DNAAF9: variants seen among roughly 807,000 people sequenced by gnomAD.
DNAAF9 encodes shulin.
Under a neutral mutation model 167.0 loss-of-function variants are expected in DNAAF9, and 90 were observed. The ratio of observed to expected loss-of-function variants is 0.54; its 90% CI spans 0.45 to 0.64. The LOEUF is 0.64. DNAAF9 is among the 30% of genes least tolerant of loss of function. The pLI, the probability that DNAAF9 is intolerant of heterozygous loss-of-function variation, is 0.00. For synonymous variants in DNAAF9, 491 were observed against 508.8 expected (o/e 0.96, Z 0.47); for missense variants, 1,315 against 1,442.2 (o/e 0.91, Z 1.43).
intron 1 of DNAAF9, among the ~76,000 whole-genome samples, chr20:3,390,714 G>A (rs960807838): frequency 2.0e-5 from 3 of 152,142 alleles, no homozygotes; most frequent in Admixed American, 2.0e-4. Context: ...AAATACGGGG[G>A]TGAGAGGAAA....
At chr20:3,254,556 AG>A (rs779853912) in intron 35 of DNAAF9, among the ~76,000 whole-genome samples, 3 of 152,122 alleles carry the variant, frequency 2.0e-5, no homozygotes, top group Non-Finnish European at 4.4e-5. Context: ...TGTCCTCCCC[AG>A]GAGCACCCAG....
chr20:3,338,309 G>C (rs569296448), intron 10 of DNAAF9, among the ~76,000 whole-genome samples: 2 of 152,122 alleles, frequency 1.3e-5, no homozygotes, highest in African/African-American at 4.8e-5. Flanking sequence ...TTTCTTGTTT[G>C]TATGGTTTCT....
chr20:3,390,631 CT>C (rs1179157318), intron 1 of DNAAF9, among the ~76,000 whole-genome samples: 1 of 152,124 alleles, frequency 6.6e-6, no homozygotes, highest in Non-Finnish European at 1.5e-5. Context: ...TCCCAAAGTG[CT>C]GGGATTACAA....
intron 29 of DNAAF9, among the ~76,000 whole-genome samples, chr20:3,273,514 G>A (rs1434549419): frequency 6.6e-6 from 1 of 152,104 alleles, no homozygotes; most frequent in East Asian, 1.9e-4. Flanking sequence ...GAAGGCCTGG[G>A]AGCCAGCATA....
chr20:3,258,101 A>G (rs2068313999), intron 33 of DNAAF9, among the ~76,000 whole-genome samples: 1 of 93,114 alleles, frequency 1.1e-5, no homozygotes, highest in African/African-American at 5.1e-5. Context: ...CCTGACCTCA[A>G]GTGATCCTCT....
chr20:3,348,486 A>G, intron 8 of DNAAF9, 39 bp downstream of exon 8: 1 of 1,009,830 alleles, frequency 9.9e-7, no homozygotes. Flanking sequence ...AAATAAATTA[A>G]CCATTTTATT....
chr20:3,316,646 C>G (rs748192602), intron 18 of DNAAF9, 77 bp downstream of exon 18: 1 of 1,046,874 alleles, frequency 9.6e-7, no homozygotes, highest in Non-Finnish European at 1.5e-6. Context: ...AGGGGCCCAA[C>G]AAAGAGGCTC....
chr20:3,308,159 A>AAT (rs1313660249), intron 20 of DNAAF9, among the ~76,000 whole-genome samples: 1 of 151,864 alleles, frequency 6.6e-6, no homozygotes, highest in East Asian at 1.9e-4. Context: ...ACCACACTTG[A>AAT]ATGTATTTGT....
At position 3,318,382 on chromosome 20, in the gene DNAAF9, C is replaced by A; in HGVS notation, c.1375G>T (p.Asp459Tyr). Residue 459 changes from aspartate (D) to tyrosine (Y), a missense_variant, in exon 17 of 37, where the codon GAC becomes TAC. Coordinates refer to ENST00000252032, the MANE Select transcript of DNAAF9 (RefSeq NM_001009984.3). ...TTGCCTCCCAGTAAGTCAGGAATGT[C>A]ATAGACGGCCATACAAGCCTGCATT... ...FVKTACMAVY[D>Y]IPDLLGGNGC... 6.3e-7 allele frequency: 1 copy of A among 1,585,436 alleles called. No homozygotes were observed. Among genetic ancestry groups the A allele is most frequent in the South Asian group, 1.1e-5 (1 of 90,360 alleles).
chr20:3,324,037 T>C (rs2069666866), intron 14 of DNAAF9, among the ~76,000 whole-genome samples: 1 of 152,142 alleles, frequency 6.6e-6, no homozygotes. Flanking sequence ...TTCCCTTTCA[T>C]GGCCAGGGCA....
At chr20:3,264,361 CTT>C (rs146888657) in intron 31 of DNAAF9, 75 bp downstream of exon 31, 52 of 595,232 alleles carry the variant, frequency 8.7e-5, no homozygotes, top group Admixed American at 1.6e-4. Context: ...CACCTTCTCT[CTT>C]TTTTTTTTTC....
intron 23 of DNAAF9, chr20:3,296,150 A>G: frequency 1.6e-6 from 1 of 612,074 alleles, no homozygotes; most frequent in South Asian, 1.4e-5. Flanking sequence ...AAGTTCTGCA[A>G]CCTCTGTAGT....
At chr20:3,333,632 A>G (rs2069881140) in intron 10 of DNAAF9, among the ~76,000 whole-genome samples, 1 of 152,200 alleles carries the variant, frequency 6.6e-6, no homozygotes, top group Admixed American at 6.5e-5. Flanking sequence ...TGGTTGATAC[A>G]TATTTCCTCA....
At chr20:3,381,296 C>A in intron 3 of DNAAF9, 83 bp downstream of exon 3, 4 of 1,146,042 alleles carry the variant, frequency 3.5e-6, no homozygotes, top group East Asian at 2.6e-5. Flanking sequence ...AAATTTTATT[C>A]CATAAGAAGA....
At chr20:3,344,377 T>C (rs1216976412) in intron 8 of DNAAF9, among the ~76,000 whole-genome samples, 2 of 152,160 alleles carry the variant, frequency 1.3e-5, no homozygotes, top group Non-Finnish European at 2.9e-5. Flanking sequence ...TACTGTTTTT[T>C]TTCTGATTAA....
At chr20:3,402,102 G>C (rs1230546039) in intron 1 of DNAAF9, among the ~76,000 whole-genome samples, 2 of 152,042 alleles carry the variant, frequency 1.3e-5, no homozygotes, top group South Asian at 4.1e-4. Context: ...TTCTGGGTGG[G>C]AATCTATTTT....
intron 3 of DNAAF9, 76 bp from the exon 4 acceptor site, chr20:3,376,378 T>C: frequency 8.1e-7 from 1 of 1,232,004 alleles, no homozygotes; most frequent in Non-Finnish European, 1.1e-6. Context: ...ACATAATTAG[T>C]AAAACCATTG....
rs6107267 is a variant in DNAAF9, at chr20:3,270,063, C to T, written c.2786+364G>A. Among the ~76,000 whole-genome samples, 3 of 151,356 alleles carry T rather than the reference C, an allele frequency of 2.0e-5. No homozygotes were observed. The East Asian group carries it at 5.8e-4, about 29-fold the overall frequency. On this transcript the variant is annotated intron_variant, in intron 30 of 36. Coordinates refer to ENST00000252032, the MANE Select transcript of DNAAF9 (RefSeq NM_001009984.3). ...TATTGTCCAGGCTGGTCTCAAACTC[C>T]TGACTCAAGATCCTCCCACCTCAGC...
intron 1 of DNAAF9, among the ~76,000 whole-genome samples, chr20:3,400,837 T>C (rs2083973072): frequency 6.6e-6 from 1 of 152,152 alleles, no homozygotes; most frequent in Admixed American, 6.5e-5. Context: ...TCATCCCAGA[T>C]ACAAGTGAAA....
Sources: gnomAD v4.1 joint callset for allele counts (sites outside exome capture counted in the v4.1 genomes callset) on GRCh38, gnomAD v4.1.1 for gene constraint, MANE v1.5 for transcripts, NCBI Gene and HGNC (gene_info 2026-07-23, HGNC 2026-07-21) for gene names.